The following SH2D4A variants were observed in gnomAD, a reference collection of about 807,000 sequenced individuals.
SH2D4A encodes SH2 domain containing 4A, also known as SH2 domain-containing protein 4A.
Under a neutral mutation model 64.7 loss-of-function variants are expected in SH2D4A, and 70 were observed. The observed-to-expected ratio is 1.08, with a 90% confidence interval of 0.89 to 1.32. The LOEUF (loss-of-function observed/expected upper bound fraction) is 1.32. SH2D4A is among the 40% of genes most tolerant of loss of function. SH2D4A has a pLI of 0.00. For missense variants in SH2D4A, 706 were observed against 540.1 expected, an observed-to-expected ratio of 1.31 and a Z score of -3.04; for synonymous variants, 268 against 200.7, an observed-to-expected ratio of 1.34 and a Z score of -2.83.
intron 4 of SH2D4A, among the ~76,000 whole-genome samples, chr8:19,349,221 T>C (rs1451133573): frequency 1.3e-5 from 2 of 152,152 alleles, no homozygotes; most frequent in African/African-American, 4.8e-5. Context: ...AATTCAAGAG[T>C]GGAGCCCTAA....
chr8:19,333,882 T>A (rs2052401038), intron 3 of SH2D4A, among the ~76,000 whole-genome samples: 1 of 152,184 alleles, frequency 6.6e-6, no homozygotes, highest in Non-Finnish European at 1.5e-5. Context: ...ATCCCTAGAC[T>A]TGACTACGGA....
chr8:19,321,894 A>C (rs1036168328), intron 2 of SH2D4A, among the ~76,000 whole-genome samples: 1 of 152,222 alleles, frequency 6.6e-6, no homozygotes, highest in African/African-American at 2.4e-5. Context: ...ATGACTTAAA[A>C]TAATAATTTC....
At chr8:19,318,631 T>G (rs1248892298) in intron 1 of SH2D4A, among the ~76,000 whole-genome samples, 1 of 152,230 alleles carries the variant, frequency 6.6e-6, no homozygotes, top group African/African-American at 2.4e-5. Flanking sequence ...ATTTAGATTT[T>G]ATTAAACTAG....
At chr8:19,359,805 T>C (rs2052850855) in intron 5 of SH2D4A, among the ~76,000 whole-genome samples, 1 of 152,220 alleles carries the variant, frequency 6.6e-6, no homozygotes, top group South Asian at 2.1e-4. Context: ...CCCAGAGCGA[T>C]CAGAAACAAG....
intron 4 of SH2D4A, among the ~76,000 whole-genome samples, chr8:19,342,311 G>A (rs1392781401): frequency 6.6e-6 from 1 of 152,196 alleles, no homozygotes; most frequent in Non-Finnish European, 1.5e-5. Flanking sequence ...AGAACTTGGG[G>A]TAAATCCTAC....
rs550049369 is a variant in SH2D4A at position 19,325,635 on chromosome 8, C to T, written c.181+5907C>T. 3.9e-5 allele frequency among the ~76,000 whole-genome samples: 6 copies of T among 152,290 alleles called. No homozygotes were observed. In the South Asian group the frequency reaches 1.2e-3, roughly 32 times the overall value. ...GTCCTCTCTCTATTTTCTAGTTCTT[C>T]CATCTGCTTTTCCAGCGGAGGTTCT... is the stretch of plus-strand genomic sequence containing the variant. On this transcript the variant is annotated intron_variant, in intron 2 of 9. Transcript: ENST00000265807.
intron 1 of SH2D4A, chr8:19,314,057 CGGTGTCT>C: frequency 2.5e-6 from 1 of 395,314 alleles, no homozygotes; most frequent in Non-Finnish European, 3.1e-6. Context: ...GTCCGGTGTC[CGGTGTCT>C]GGAGCCGCTG....
intron 8 of SH2D4A, among the ~76,000 whole-genome samples, chr8:19,382,511 A>C (rs1466801396): frequency 1.3e-5 from 2 of 152,318 alleles, no homozygotes; most frequent in African/African-American, 4.8e-5. Context: ...CTTATAAAAT[A>C]GTCTTTGTGT....
At chr8:19,317,434 T>A (rs1378391971) in intron 1 of SH2D4A, among the ~76,000 whole-genome samples, 1 of 151,948 alleles carries the variant, frequency 6.6e-6, no homozygotes, top group Non-Finnish European at 1.5e-5. Flanking sequence ...TCTCTTAATG[T>A]TTGGTTCCAT....
chr8:19,337,920 GAGA>G (rs2052470220), intron 4 of SH2D4A, among the ~76,000 whole-genome samples: 2 of 152,124 alleles, frequency 1.3e-5, no homozygotes, highest in Admixed American at 6.5e-5. Context: ...CAGAAACACT[GAGA>G]AGAAGGCCGA....
At chr8:19,346,334 G>T (rs2052612710) in intron 4 of SH2D4A, among the ~76,000 whole-genome samples, 1 of 152,212 alleles carries the variant, frequency 6.6e-6, no homozygotes, top group South Asian at 2.1e-4. Flanking sequence ...CCTCCTGTCA[G>T]ATCATCAGCA....
chr8:19,389,881 C>A (rs925619786), intron 8 of SH2D4A, among the ~76,000 whole-genome samples: 2 of 152,114 alleles, frequency 1.3e-5, no homozygotes, highest in Non-Finnish European at 2.9e-5. Flanking sequence ...CTTAAAAAAA[C>A]AAATAAAAAT....
chr8:19,324,117 G>T (rs1398585270), intron 2 of SH2D4A, among the ~76,000 whole-genome samples: 1 of 152,210 alleles, frequency 6.6e-6, no homozygotes, highest in Non-Finnish European at 1.5e-5. Flanking sequence ...TCTAAAACAT[G>T]TGCTCGCGTC....
chr8:19,343,265 A>T (rs1242752475), intron 4 of SH2D4A, among the ~76,000 whole-genome samples: 4 of 152,058 alleles, frequency 2.6e-5, no homozygotes, highest in African/African-American at 4.8e-5. Context: ...TCTCTACAGA[A>T]ATTAAAAAAA....
At position 19,319,667 on chromosome 8, in the gene SH2D4A, A is replaced by G. The variant is rs370612195; in HGVS notation, c.120A>G (p.Lys40=). ...KMREEQIRRW[K]EREAAMERKE... ...GAGAGGAACAGATCCGACGATGGAAAGAAAGAGAAGCAGCTATGGAAAGAA... is the reference window on the plus strand; with the variant it reads ...GAGAGGAACAGATCCGACGATGGAAGGAAAGAGAAGCAGCTATGGAAAGAA... Residue 40 remains lysine, a synonymous_variant, in exon 2 of 10, where the codon AAA becomes AAG. Coordinates refer to ENST00000265807, the MANE Select transcript of SH2D4A (RefSeq NM_022071.4). The G allele has an allele frequency of 1.5e-5, 24 of 1,610,896 alleles. No individual in the cohort carries two copies. Among genetic ancestry groups the G allele is most frequent in the Non-Finnish European group, 2.0e-5 (23 of 1,178,962 alleles).
At chr8:19,362,291 A>G (rs913545791) in intron 6 of SH2D4A, among the ~76,000 whole-genome samples, 3 of 152,258 alleles carry the variant, frequency 2.0e-5, no homozygotes, top group African/African-American at 7.2e-5. Context: ...TTTGAAGTCA[A>G]GTATAACAGG....
intron 1 of SH2D4A, among the ~76,000 whole-genome samples, chr8:19,315,901 T>C (rs2052079972): frequency 6.6e-6 from 1 of 152,186 alleles, no homozygotes; most frequent in Non-Finnish European, 1.5e-5. Flanking sequence ...TACCCACACA[T>C]TAGAAGTCAC....
chr8:19,392,187 G>A (rs1348278112), intron 8 of SH2D4A, among the ~76,000 whole-genome samples: 3 of 152,166 alleles, frequency 2.0e-5, no homozygotes, highest in Non-Finnish European at 4.4e-5. Flanking sequence ...AGGCATCTAA[G>A]CTATGTCTAT....
chr8:19,325,960 G>C (rs1031075621), intron 2 of SH2D4A, among the ~76,000 whole-genome samples: 1 of 152,198 alleles, frequency 6.6e-6, no homozygotes, highest in African/African-American at 2.4e-5. Flanking sequence ...AGCTGGGAAA[G>C]AACATGATGG....
Sources: gnomAD v4.1 joint callset for allele counts (sites outside exome capture counted in the v4.1 genomes callset) on GRCh38, gnomAD v4.1.1 for gene constraint, MANE v1.5 for transcripts, NCBI Gene and HGNC (gene_info 2026-07-23, HGNC 2026-07-21) for gene names.